The following ULK4 variants were observed in gnomAD, a reference collection of about 807,000 sequenced individuals.
The protein encoded by ULK4 is inactive serine/threonine-protein kinase ULK4.
Under a neutral mutation model 160.6 loss-of-function variants are expected in ULK4, and 133 were observed. The observed-to-expected ratio is 0.83, with a 90% CI of 0.72 to 0.96. The LOEUF is 0.96. Ranked by LOEUF, ULK4 falls within the 40% of genes least tolerant of loss-of-function variation. The pLI, the probability that ULK4 is intolerant of heterozygous loss-of-function variation, is 0.00. For missense variants in ULK4, 1,580 were observed against 1,499.5 expected (o/e 1.05, Z -0.89); for synonymous variants, 534 against 539.8 (o/e 0.99, Z 0.15).
chr3:41,297,437 G>C (rs900354482), intron 35 of ULK4, among the ~76,000 whole-genome samples: 3 of 152,220 alleles, frequency 2.0e-5, no homozygotes, highest in African/African-American at 7.2e-5. Flanking sequence ...GCAAAACAGG[G>C]GCCGAACTGA....
chr3:41,859,859 AG>A (rs1441367341), intron 17 of ULK4, among the ~76,000 whole-genome samples: 2 of 138,070 alleles, frequency 1.4e-5, no homozygotes, highest in Non-Finnish European at 3.1e-5. Context: ...TAGTAGAAAC[AG>A]GGTTTCACCA....
intron 19 of ULK4, among the ~76,000 whole-genome samples, chr3:41,813,631 A>C (rs1300863968): frequency 1.3e-5 from 2 of 152,212 alleles, no homozygotes; most frequent in African/African-American, 4.8e-5. Flanking sequence ...AGTAAGTTAA[A>C]TCTCTTGGAT....
intron 21 of ULK4, among the ~76,000 whole-genome samples, chr3:41,762,507 T>G (rs1051159433): frequency 6.6e-6 from 1 of 152,052 alleles, no homozygotes; most frequent in African/African-American, 2.4e-5. Context: ...CTGGGTAATA[T>G]ATAAAGGAAA....
rs2035102356 is a variant in ULK4, at chr3:41,660,250, G to C, written c.3071+3357C>G. Among the ~76,000 whole-genome samples the C allele has an allele frequency of 3.3e-5, 5 of 152,134 alleles. No individual in the cohort carries two copies. In the South Asian group the frequency reaches 1.0e-3, roughly 32 times the overall value. On this transcript the variant is annotated intron_variant, in intron 30 of 36. Coordinates refer to ENST00000301831, the MANE Select transcript of ULK4 (RefSeq NM_017886.4). ...GCGGAGGTTGTGATGAGCCGAGATT[G>C]TGCCATTGCACACCAGCCTGTGGCA...
intron 17 of ULK4, among the ~76,000 whole-genome samples, chr3:41,843,574 A>G (rs775833753): frequency 1.3e-4 from 20 of 151,608 alleles, no homozygotes; most frequent in Non-Finnish European, 2.8e-4. Context: ...AGTGCTCTGG[A>G]GTTGTTCCTT....
intron 17 of ULK4, among the ~76,000 whole-genome samples, chr3:41,875,599 C>G (rs1697267596): frequency 6.6e-6 from 1 of 151,978 alleles, no homozygotes; most frequent in South Asian, 2.1e-4. Context: ...CCAGCCTGAA[C>G]AACACAATGA....
At chr3:41,789,312 G>A (rs903700112) in intron 21 of ULK4, among the ~76,000 whole-genome samples, 4 of 152,084 alleles carry the variant, frequency 2.6e-5, no homozygotes, top group Non-Finnish European at 4.4e-5. Context: ...AATATAAAGG[G>A]ACTCCTCCCC....
chr3:41,782,705 T>C (rs889937346), intron 21 of ULK4, among the ~76,000 whole-genome samples: 5 of 152,120 alleles, frequency 3.3e-5, no homozygotes, highest in African/African-American at 1.2e-4. Context: ...ACATATAAAC[T>C]ACCAAAAAAG....
chr3:41,535,982 G>T (rs2086485331), intron 32 of ULK4, among the ~76,000 whole-genome samples: 1 of 152,158 alleles, frequency 6.6e-6, no homozygotes, highest in African/African-American at 2.4e-5. Flanking sequence ...TCATGCTGCA[G>T]CAAGAAGCTC....
Position 41,669,312 on chromosome 3 carries a change from C to T in ULK4, c.2979-5613G>A, listed in dbSNP as rs2035453211. Reference sequence around the variant, plus strand: ...CCAGGCTGGAGTGCAGTGGCAAGATCGTAGCTCACTGCAGCCTCAACCTTC... The same window carrying T: ...CCAGGCTGGAGTGCAGTGGCAAGATTGTAGCTCACTGCAGCCTCAACCTTC... On this transcript the variant is annotated intron_variant, in intron 29 of 36. Transcript: ENST00000301831. 2.0e-5 allele frequency among the ~76,000 whole-genome samples: 3 copies of T among 152,038 alleles called. No homozygotes were observed. The South Asian group carries it at 6.2e-4, about 32-fold the overall frequency.
At chr3:41,617,871 C>T (rs1042090315) in intron 30 of ULK4, among the ~76,000 whole-genome samples, 1 of 152,016 alleles carries the variant, frequency 6.6e-6, no homozygotes, top group African/African-American at 2.4e-5. Flanking sequence ...AGTTAAGAAC[C>T]TTAATAAAAG....
intron 35 of ULK4, chr3:41,278,018 G>A (rs565090748): frequency 2.6e-5 from 4 of 152,304 alleles, no homozygotes; most frequent in Admixed American, 6.5e-5. Context: ...ACAAGGGGTC[G>A]GGGGATTTCC....
At chr3:41,835,837 G>C in intron 18 of ULK4, 27 bp downstream of exon 18, 1 of 1,495,444 alleles carries the variant, frequency 6.7e-7, no homozygotes, top group African/African-American at 1.4e-5. Flanking sequence ...ATGTCAAACA[G>C]CAACAGAGTT....
chr3:41,630,984 T>A (rs2033717705), intron 30 of ULK4, among the ~76,000 whole-genome samples: 5 of 152,242 alleles, frequency 3.3e-5, no homozygotes, highest in Admixed American at 3.3e-4. Flanking sequence ...GACAGTCATT[T>A]TAAATTGAAA....
intron 18 of ULK4, 78 bp downstream of exon 18, chr3:41,835,786 T>G: frequency 8.9e-7 from 1 of 1,123,464 alleles, no homozygotes. Flanking sequence ...CAAAAAACTT[T>G]TATAGGATAT....
chr3:41,820,036 AG>A (rs1575764057), intron 18 of ULK4, among the ~76,000 whole-genome samples: 1 of 152,322 alleles, frequency 6.6e-6, no homozygotes, highest in East Asian at 1.9e-4. Flanking sequence ...ATTCTCTCCC[AG>A]AAGATTAACC....
chr3:41,296,214 A>G (rs1010737057), intron 35 of ULK4, among the ~76,000 whole-genome samples: 46 of 152,190 alleles, frequency 3.0e-4, no homozygotes, highest in African/African-American at 1.1e-3. Flanking sequence ...TGGAGGCAGA[A>G]AGTATATGGG....
chr3:41,849,569 T>C (rs1000960622), intron 17 of ULK4, among the ~76,000 whole-genome samples: 2 of 152,170 alleles, frequency 1.3e-5, no homozygotes, highest in South Asian at 4.1e-4. Context: ...TAATGGTAGA[T>C]AGATGTTTTA....
chr3:41,548,806 G>A (rs542357891), intron 32 of ULK4, among the ~76,000 whole-genome samples: 15 of 152,042 alleles, frequency 9.9e-5, no homozygotes, highest in East Asian at 5.8e-4. Flanking sequence ...GGTCACTGCC[G>A]CCGCCACCAC....
Sources: allele counts gnomAD v4.1 joint callset (sites outside exome capture counted in the v4.1 genomes callset), GRCh38; gene constraint gnomAD v4.1.1; transcripts MANE v1.5; gene names NCBI Gene and HGNC (gene_info 2026-07-23, HGNC 2026-07-21).